The following MEGF9 variants were observed in gnomAD, a reference collection of about 807,000 sequenced individuals.
MEGF9 encodes multiple epidermal growth factor-like domains protein 9.
Under a neutral mutation model 46.8 loss-of-function variants are expected in MEGF9, and 6 were observed. That is an observed-to-expected ratio of 0.13 (90% confidence interval 0.07 to 0.25). The LOEUF is 0.25. MEGF9 is among the 10% of genes least tolerant of loss of function. The pLI is 1.00. For synonymous variants in MEGF9, 302 were observed against 330.7 expected (o/e 0.91, Z 0.94); for missense variants, 683 against 792.4 (o/e 0.86, Z 1.66).
intron 2 of MEGF9, among the ~76,000 whole-genome samples, chr9:120,626,181 A>T (rs1157031296): frequency 1.3e-5 from 2 of 152,208 alleles, no homozygotes; most frequent in Admixed American, 1.3e-4. Flanking sequence ...TTAAGATAAA[A>T]TTTGCTTATC....
chr9:120,607,699 GTTT>G (rs748815705), intron 5 of MEGF9, 39 bp downstream of exon 5: 2 of 1,595,978 alleles, frequency 1.3e-6, no homozygotes. Flanking sequence ...TTCACTGCTA[GTTT>G]TAGATATTAA....
chr9:120,602,549 A>G lies in MEGF9; in HGVS notation c.*2641T>C, dbSNP rs1019135606. ...TTAAGACTTTTTTTCCCATTGAGAA[A>G]AATTATAACCATGATCTAGGAGCCA... On this transcript the variant is annotated 3_prime_UTR_variant, in exon 6 of 6. Transcript: ENST00000373930. 3.9e-5 allele frequency: 6 copies of G among 152,368 alleles called. No individual in the cohort carries two copies. The South Asian group carries it at 1.2e-3, about 32-fold the overall frequency. The allele number at this position is 152,368 out of a possible 1,614,324, so 9.4% of individuals were successfully genotyped here.
At chr9:120,639,573 T>C (rs2043593382) in intron 2 of MEGF9, among the ~76,000 whole-genome samples, 1 of 150,928 alleles carries the variant, frequency 6.6e-6, no homozygotes, top group Non-Finnish European at 1.5e-5. Flanking sequence ...ATTAAAATCC[T>C]GGCCACTAGT....
At chr9:120,684,278 C>G (rs1334098024) in intron 1 of MEGF9, among the ~76,000 whole-genome samples, 1 of 152,180 alleles carries the variant, frequency 6.6e-6, no homozygotes, top group Non-Finnish European at 1.5e-5. Context: ...GAAATTAAGT[C>G]TGCTTGCTTT....
chr9:120,641,254 G>A (rs2043601651), intron 2 of MEGF9, among the ~76,000 whole-genome samples: 1 of 152,110 alleles, frequency 6.6e-6, no homozygotes, highest in Non-Finnish European at 1.5e-5. Context: ...GACATTCAAT[G>A]ACTAGCCCAT....
At chr9:120,687,393 G>A (rs1362261247) in intron 1 of MEGF9, among the ~76,000 whole-genome samples, 2 of 152,070 alleles carry the variant, frequency 1.3e-5, no homozygotes, top group Non-Finnish European at 2.9e-5. Flanking sequence ...TAATTGAGAC[G>A]TATTGCTCTA....
intron 2 of MEGF9, among the ~76,000 whole-genome samples, chr9:120,626,790 A>G (rs932931977): frequency 2.6e-5 from 4 of 152,348 alleles, no homozygotes; most frequent in South Asian, 2.1e-4. Flanking sequence ...TATTCATTCT[A>G]TCTTGGCCTC....
rs189162195 is a variant in MEGF9, at chr9:120,713,723, G to A, written c.601+35C>T. 1.5e-3 allele frequency: 1,968 copies of A among 1,276,934 alleles called. 2 individuals are homozygous for A. Among genetic ancestry groups the A allele is most frequent in the Non-Finnish European group, 1.8e-3 (1,845 of 1,012,662 alleles). 79.1% of individuals were successfully genotyped at this position (1,276,934 alleles called of 1,614,324 possible). ...CCTAGATTGCCGGGGCTGAGGTGAGGACGGGTCCTGCCCGAGAGGGAGCGC... is the reference window on the plus strand; with the variant it reads ...CCTAGATTGCCGGGGCTGAGGTGAGAACGGGTCCTGCCCGAGAGGGAGCGC... On this transcript the variant is annotated intron_variant, in intron 1 of 5. Transcript: ENST00000373930.
chr9:120,627,993 T>C (rs911067679), intron 2 of MEGF9, among the ~76,000 whole-genome samples: 1 of 152,172 alleles, frequency 6.6e-6, no homozygotes, highest in Admixed American at 6.5e-5. Flanking sequence ...ACAATTTACT[T>C]TGGGAAGAGA....
At chr9:120,625,815 C>CAA (rs2043522127) in intron 2 of MEGF9, among the ~76,000 whole-genome samples, 1 of 113,090 alleles carries the variant, frequency 8.8e-6, no homozygotes. Context: ...GCCTGGGTGA[C>CAA]AGCAAGACTC....
chr9:120,659,497 C>T lies in MEGF9; in HGVS notation c.680G>A (p.Arg227Gln), dbSNP rs1194900454. 5.0e-6 allele frequency: 8 copies of T among 1,613,608 alleles called. No individual in the cohort carries two copies. The highest frequency in any genetic ancestry group is 6.8e-6 in the Non-Finnish European group (8 of 1,179,822). ...CNQTTGQCEC[R>Q]PGYQGLHCET... is the part of the protein sequence containing the mutation. ...ACAGTGAAGCCCCTGATAACCTGGC[C>T]GACACTCACACTGCCCTGTGGTCTG... The change falls in exon 2 of 6, where the codon CGG becomes CAG. Residue 227 changes from arginine to glutamine, a missense_variant. Coordinates refer to ENST00000373930, the MANE Select transcript of MEGF9 (RefSeq NM_001080497.3).
At chr9:120,678,335 C>G (rs1363448502) in intron 1 of MEGF9, among the ~76,000 whole-genome samples, 2 of 152,142 alleles carry the variant, frequency 1.3e-5, no homozygotes, top group Admixed American at 6.5e-5. Context: ...TATTGTAGCT[C>G]TAATTTTAGT....
At chr9:120,708,951 A>G (rs2043940652) in intron 1 of MEGF9, among the ~76,000 whole-genome samples, 1 of 152,240 alleles carries the variant, frequency 6.6e-6, no homozygotes, top group Non-Finnish European at 1.5e-5. Context: ...GGGCTCAATG[A>G]GTCAACAACA....
chr9:120,712,049 GA>G, intron 1 of MEGF9, among the ~76,000 whole-genome samples: 1 of 152,256 alleles, frequency 6.6e-6, no homozygotes, highest in South Asian at 2.1e-4. Flanking sequence ...TTGAGTTCAG[GA>G]ACTCAAGACT....
At chr9:120,618,476 A>C (rs1025806901) in intron 3 of MEGF9, among the ~76,000 whole-genome samples, 2 of 152,236 alleles carry the variant, frequency 1.3e-5, no homozygotes, top group African/African-American at 2.4e-5. Context: ...ATATTATATG[A>C]ACATGAAGTT....
chr9:120,673,752 G>A (rs1464542319), intron 1 of MEGF9, among the ~76,000 whole-genome samples: 1 of 151,888 alleles, frequency 6.6e-6, no homozygotes, highest in East Asian at 1.9e-4. Flanking sequence ...TGGATCACGA[G>A]GTCAGGAGTT....
chr9:120,650,791 A>G (rs1265349626), intron 2 of MEGF9, among the ~76,000 whole-genome samples: 1 of 152,142 alleles, frequency 6.6e-6, no homozygotes, highest in African/African-American at 2.4e-5. Context: ...ATGTCATTGT[A>G]TAATCAGGAA....
intron 2 of MEGF9, among the ~76,000 whole-genome samples, chr9:120,637,391 C>G (rs954085024): frequency 3.3e-5 from 5 of 151,662 alleles, no homozygotes; most frequent in African/African-American, 1.2e-4. Context: ...CAAATTCCCC[C>G]TCTCGAGAAA....
chr9:120,622,507 G>A (rs1431138739), intron 3 of MEGF9, 109 bp downstream of exon 3: 1 of 1,090,362 alleles, frequency 9.2e-7, no homozygotes, highest in Non-Finnish European at 1.3e-6. Flanking sequence ...CTACTTAGAA[G>A]ATAAAGGCCC....
Sources: gnomAD v4.1 joint callset for allele counts (sites outside exome capture counted in the v4.1 genomes callset) on GRCh38, gnomAD v4.1.1 for gene constraint, MANE v1.5 for transcripts, NCBI Gene and HGNC (gene_info 2026-07-23, HGNC 2026-07-21) for gene names.